RIC3: variants seen among roughly 807,000 people sequenced by gnomAD.
RIC3 encodes RIC3 acetylcholine receptor chaperone.
In RIC3, 28 loss-of-function variants were observed where a neutral mutation model predicts 27.3. The ratio of observed to expected loss-of-function variants is 1.02; its 90% CI spans 0.76 to 1.41. The LOEUF (loss-of-function observed/expected upper bound fraction) is 1.41. Ranked by LOEUF, RIC3 falls within the 40% of genes most tolerant of loss-of-function variation. RIC3 has a pLI of 0.00. For missense variants in RIC3, 501 were observed against 444.7 expected, an observed-to-expected ratio of 1.13 and a Z score of -1.14; for synonymous variants, 184 against 160.4, an observed-to-expected ratio of 1.15 and a Z score of -1.11.
chr11:8,128,179 A>G (rs937898172), intron 4 of RIC3: 4 of 456,996 alleles, frequency 8.8e-6, no homozygotes, highest in African/African-American at 2.0e-5. Context: ...AAAACAACCC[A>G]CTTTGTGTGA....
intron 1 of RIC3, among the ~76,000 whole-genome samples, chr11:8,161,598 GCAC>G (rs1489927127): frequency 6.6e-6 from 1 of 152,144 alleles, no homozygotes; most frequent in Admixed American, 6.5e-5. Context: ...TCTACCCACA[GCAC>G]CACAAGTTAA....
At chr11:8,098,700 G>C in the RIC3 span, 1 of 1,337,354 alleles carries the variant, frequency 7.5e-7, no homozygotes, top group Non-Finnish European at 1.1e-6. Context: ...ACGATGAGCT[G>C]TTCCCTGCTC....
At chr11:8,094,128 G>A in the RIC3 span, 85 of 1,614,148 alleles carry the variant, frequency 5.3e-5, no homozygotes, top group East Asian at 1.3e-4. Flanking sequence ...GAACCAAGGC[G>A]GCAGCTACAG....
Position 8,169,020 on chromosome 11 carries a change from C to G in RIC3, c.-31G>C. 6.6e-7 allele frequency: 1 copy of G among 1,513,544 alleles called. No individual in the cohort carries two copies. Among genetic ancestry groups the G allele is most frequent in the Non-Finnish European group, 8.8e-7 (1 of 1,137,582 alleles). The allele number at this position is 1,513,544 out of a possible 1,614,324, so 93.8% of individuals were successfully genotyped here. On this transcript the variant is annotated 5_prime_UTR_variant, in exon 1 of 6. Transcript: ENST00000309737. ...CTCACGGTGGTCGCAGGTGCAGACG[C>G]CAGCCGGAACCGGAACCGGAACCGG... is the stretch of plus-strand genomic sequence containing the variant.
At position 8,162,936 on chromosome 11, in the gene RIC3, G is replaced by A. The variant is rs193042965; in HGVS notation, c.124+5930C>T. ...GCTGGGATTATAGACATGAGCCACCGTGCCTGGCCCTAAGCCTCTGTGTTT... is the reference window on the plus strand; with the variant it reads ...GCTGGGATTATAGACATGAGCCACCATGCCTGGCCCTAAGCCTCTGTGTTT... On this transcript the variant is annotated intron_variant, in intron 1 of 5. Transcript: ENST00000309737. Among the ~76,000 whole-genome samples the A allele has an allele frequency of 3.4e-3, 517 of 151,714 alleles. 3 individuals carry two copies. Among genetic ancestry groups the A allele is most frequent in the African/African-American group, 9.8e-3 (404 of 41,350 alleles).
At chr11:8,146,921 G>A (rs906883403) in intron 1 of RIC3, among the ~76,000 whole-genome samples, 1 of 152,148 alleles carries the variant, frequency 6.6e-6, no homozygotes, top group Non-Finnish European at 1.5e-5. Context: ...AGACTTCTGA[G>A]GGAGTAGATT....
At chr11:8,115,893 C>T (rs892333175) in intron 5 of RIC3, among the ~76,000 whole-genome samples, 1 of 152,046 alleles carries the variant, frequency 6.6e-6, no homozygotes, top group Non-Finnish European at 1.5e-5. Context: ...ATAGAAGAAA[C>T]AATTCTAAAA....
the RIC3 span, among the ~76,000 whole-genome samples, chr11:8,093,865 G>A: frequency 6.6e-6 from 1 of 152,154 alleles, no homozygotes; most frequent in African/African-American, 2.4e-5. Context: ...GCCTGCCCTG[G>A]AATCTTTGCC....
intron 5 of RIC3, among the ~76,000 whole-genome samples, chr11:8,117,644 T>G (rs1261446327): frequency 6.6e-6 from 1 of 152,114 alleles, no homozygotes; most frequent in Non-Finnish European, 1.5e-5. Flanking sequence ...AGACTATAGT[T>G]AATAACAGTA....
intron 1 of RIC3, among the ~76,000 whole-genome samples, chr11:8,156,342 C>T (rs140079768): frequency 5.9e-5 from 9 of 152,282 alleles, no homozygotes; most frequent in African/African-American, 2.2e-4. Flanking sequence ...GCTGTGCCTC[C>T]CACTATTTCA....
chr11:8,134,867 A>T (rs558705755), intron 4 of RIC3, among the ~76,000 whole-genome samples: 5 of 152,200 alleles, frequency 3.3e-5, no homozygotes, highest in Non-Finnish European at 7.4e-5. Flanking sequence ...AATTTGTTTG[A>T]GTTCATCGTA....
the RIC3 span, chr11:8,098,924 C>A: frequency 7.2e-7 from 1 of 1,382,298 alleles, no homozygotes. Flanking sequence ...GATATGAAAT[C>A]CAGGACTTGA....
the RIC3 span, chr11:8,097,575 GT>G: frequency 7.5e-7 from 1 of 1,330,316 alleles, no homozygotes; most frequent in Non-Finnish European, 1.1e-6. Context: ...ACATCTTTGT[GT>G]TTTCCAGTGC....
At chr11:8,127,970 G>A (rs971719914) in intron 4 of RIC3, among the ~76,000 whole-genome samples, 9 of 152,314 alleles carry the variant, frequency 5.9e-5, no homozygotes, top group African/African-American at 2.2e-4. Flanking sequence ...AAAGGAAAAT[G>A]GAAAACACCA....
In RIC3 at chr11:8,140,087, T is replaced by G; in HGVS notation, c.231A>C (p.Ala77=). The change falls in exon 2 of 6, where the codon GCA becomes GCC. Residue 77 remains alanine, a synonymous_variant. Coordinates refer to ENST00000309737, the MANE Select transcript of RIC3 (RefSeq NM_001206671.4). The stretch of plus-strand genomic sequence containing the variant: ...CACCTCCACCTGATCCTTTGGCCTT[T>G]GCAAATGCCTCGGCAAGGTGAGACC... ...FQRSHLAEAF[A]KAKGSGGGAG... is the part of the protein sequence containing the mutation. The G allele has an allele frequency of 6.2e-7, 1 of 1,614,120 alleles. No homozygotes were observed. Among genetic ancestry groups the G allele is most frequent in the Non-Finnish European group, 8.5e-7 (1 of 1,180,016 alleles).
the RIC3 span, chr11:8,095,558 T>C: frequency 3.7e-6 from 6 of 1,613,144 alleles, no homozygotes; most frequent in South Asian, 5.5e-5. Context: ...CCAGTGCAGA[T>C]TCTGACTGTG....
intron 5 of RIC3, among the ~76,000 whole-genome samples, chr11:8,124,263 G>A (rs890522322): frequency 1.3e-5 from 2 of 151,984 alleles, no homozygotes; most frequent in Non-Finnish European, 2.9e-5. Context: ...CATTTTATGA[G>A]GCCAGGATTA....
At chr11:8,128,570 C>T (rs766516028) in intron 4 of RIC3, among the ~76,000 whole-genome samples, 20 of 152,150 alleles carry the variant, frequency 1.3e-4, no homozygotes, top group Admixed American at 2.6e-4. Flanking sequence ...TGGTTTGATA[C>T]TCCTAGAGGG....
rs1314997978 is a variant in RIC3 at position 8,110,848 on chromosome 11, A to G, written c.960T>C (p.Ala320=). ...CAGGGTAGCTATCTGCACTGAATCC[A>G]GCATTCTCTGCCAAGACAGCAGGAT... ...DEDPAVLAEN[A]GFSADSYPEQ... Residue 320 remains alanine, a synonymous_variant, in exon 6 of 6, where the codon GCT becomes GCC. Transcript: ENST00000309737. The G allele has an allele frequency of 6.2e-7, 1 of 1,614,228 alleles. No individual in the cohort carries two copies. The highest frequency in any genetic ancestry group is 1.7e-5 in the Admixed American group (1 of 60,030).
Sources: allele counts gnomAD v4.1 joint callset (sites outside exome capture counted in the v4.1 genomes callset), GRCh38; gene constraint gnomAD v4.1.1; transcripts MANE v1.5; gene names NCBI Gene and HGNC (gene_info 2026-07-23, HGNC 2026-07-21).